Variants in USP10 observed in about 807,000 individuals in gnomAD.
The protein encoded by USP10 is ubiquitin specific peptidase 10.
In USP10, 22 loss-of-function variants were observed where a neutral mutation model predicts 84.5. The observed-to-expected ratio is 0.26, with a 90% CI of 0.19 to 0.37. The LOEUF (loss-of-function observed/expected upper bound fraction) is 0.37. Ranked by LOEUF, USP10 falls within the 10% of genes least tolerant of loss-of-function variation. USP10 has a pLI of 1.00. For synonymous variants in USP10, 454 were observed against 387.6 expected, an observed-to-expected ratio of 1.17 and a Z score of -2.01; for missense variants, 1,019 against 998.9, an observed-to-expected ratio of 1.02 and a Z score of -0.27.
At position 84,761,940 on chromosome 16, in the gene USP10, C is replaced by G. The variant is rs76471633; in HGVS notation, c.1555-1049C>G. On this transcript the variant is annotated intron_variant, in intron 8 of 13. Transcript: ENST00000219473. ...TCTGCACACGTGCAGAGCATGCACT[C>G]ACGTGAACAGCTGCTGTCCACGTCT... Among the ~76,000 whole-genome samples, 1,205 of 152,376 alleles carry G rather than the reference C, an allele frequency of 7.9e-3. 10 individuals carry two copies. The highest frequency in any genetic ancestry group is 0.027 in the African/African-American group (1,125 of 41,588).
At position 84,745,239 on chromosome 16, in the gene USP10, C is replaced by G; in HGVS notation, c.758C>G (p.Ser253Cys). 3 of 1,613,370 alleles carry G rather than the reference C, an allele frequency of 1.9e-6. No individual in the cohort carries two copies. The highest frequency in any genetic ancestry group is 2.2e-5 in the South Asian group (2 of 91,038). Residue 253 changes from serine (S) to cysteine (C), a missense_variant, in exon 4 of 14, where the codon TCC (serine) becomes TGC (cysteine). Physicochemically the swap from Ser to Cys is moderately radical, Grantham distance 112. Around this residue, in one of 2 missense-constraint regions of USP10, gnomAD observed 787 missense variants for 708.8 expected, o/e 1.11. Transcript: ENST00000219473. ...EGGPGADFGQ[S>C]CFPAEAGRDT... is the part of the protein sequence containing the mutation. The stretch of plus-strand genomic sequence containing the variant: ...GGCCCCGGGGCTGATTTTGGTCAGT[C>G]CTGCTTCCCTGCAGAGGCTGGCAGA...
At chr16:84,727,784 C>G (rs1025466557) in intron 1 of USP10, among the ~76,000 whole-genome samples, 3 of 152,216 alleles carry the variant, frequency 2.0e-5, no homozygotes, top group Non-Finnish European at 2.9e-5. Flanking sequence ...ATCCTAAATT[C>G]TTGAATGTGT....
chr16:84,757,402 G>GTGT (rs1555546471), intron 4 of USP10, among the ~76,000 whole-genome samples: 892 of 82,820 alleles, frequency 0.011, 9 homozygotes, highest in South Asian at 0.029. Context: ...GAGGGGTGGG[G>GTGT]GTGTGTGTGT....
chr16:84,707,563 G>C (rs993352485), intron 1 of USP10, among the ~76,000 whole-genome samples: 1 of 152,134 alleles, frequency 6.6e-6, no homozygotes, highest in African/African-American at 2.4e-5. Context: ...AATATGGTCT[G>C]TTGTATCTAG....
intron 1 of USP10, among the ~76,000 whole-genome samples, chr16:84,703,173 G>A (rs1281266046): frequency 6.6e-6 from 1 of 152,102 alleles, no homozygotes; most frequent in African/African-American, 2.4e-5. Flanking sequence ...TTTTAGCAAA[G>A]ACAAATAAAT....
intron 1 of USP10, among the ~76,000 whole-genome samples, chr16:84,720,453 G>A (rs370675131): frequency 1.3e-5 from 2 of 152,052 alleles, no homozygotes; most frequent in African/African-American, 4.8e-5. Flanking sequence ...CGAGAAGCTC[G>A]GCAGTAATAA....
intron 1 of USP10, among the ~76,000 whole-genome samples, chr16:84,713,728 T>TA (rs900610098): frequency 2.0e-5 from 3 of 152,108 alleles, no homozygotes; most frequent in African/African-American, 7.2e-5. Flanking sequence ...GATCCAGAAT[T>TA]AGAGAGACCA....
At position 84,764,279 on chromosome 16, in the gene USP10, G is replaced by A. The variant is rs753206149; in HGVS notation, c.1832+16G>A. On this transcript the variant is annotated intron_variant, in intron 10 of 13. Transcript: ENST00000219473. ...GACACATCAGGTTTGTGCTTTTCTG[G>A]AATAACTTAATATTTGCCTTTTCTA... 2 of 1,613,968 alleles carry A rather than the reference G, an allele frequency of 1.2e-6. No individual in the cohort carries two copies. Among genetic ancestry groups the A allele is most frequent in the Admixed American group, 1.7e-5 (1 of 60,016 alleles).
At chr16:84,707,635 G>T (rs904963932) in intron 1 of USP10, among the ~76,000 whole-genome samples, 3 of 152,148 alleles carry the variant, frequency 2.0e-5, no homozygotes, top group South Asian at 2.1e-4. Flanking sequence ...ACTGAAGTCA[G>T]TTTTCTTAGG....
chr16:84,750,488 T>C lies in USP10; in HGVS notation c.1192+4815T>C, dbSNP rs116910794. On this transcript the variant is annotated intron_variant, in intron 4 of 13. Transcript: ENST00000219473. The stretch of plus-strand genomic sequence containing the variant: ...GCGACACCCTTGTTAAGAGTGAGTA[T>C]GGCAGACACGTGGGGAGTGCCTTTG... Among the ~76,000 whole-genome samples, 1,188 of 152,196 alleles carry C rather than the reference T, an allele frequency of 7.8e-3. 13 individuals are homozygous for C. The highest frequency in any genetic ancestry group is 0.054 in the Middle Eastern group (16 of 294).
intron 13 of USP10, among the ~76,000 whole-genome samples, chr16:84,777,658 C>G (rs558810082): frequency 2.0e-5 from 3 of 152,178 alleles, no homozygotes; most frequent in Admixed American, 2.0e-4. Context: ...TGACTGGTGG[C>G]CTCAGTCATA....
chr16:84,740,256 G>T, intron 2 of USP10, 53 bp from the exon 3 acceptor site: 1 of 1,520,118 alleles, frequency 6.6e-7, no homozygotes, highest in Non-Finnish European at 9.1e-7. Context: ...AATGGTAAGC[G>T]TTGGTTTTAA....
chr16:84,739,385 C>T (rs1597340728), intron 2 of USP10, among the ~76,000 whole-genome samples: 1 of 152,148 alleles, frequency 6.6e-6, no homozygotes, highest in Admixed American at 6.5e-5. Flanking sequence ...GATTCTCCTG[C>T]CTTAGCCTCC....
intron 4 of USP10, among the ~76,000 whole-genome samples, chr16:84,757,171 G>C (rs899639446): frequency 2.0e-5 from 3 of 152,128 alleles, no homozygotes; most frequent in African/African-American, 7.2e-5. Context: ...ATGCAGGCTT[G>C]GGGTTCAGTT....
chr16:84,702,308 C>T (rs1027508453), intron 1 of USP10, among the ~76,000 whole-genome samples: 20 of 151,974 alleles, frequency 1.3e-4, no homozygotes, highest in African/African-American at 4.8e-4. Flanking sequence ...CCACCCGCCT[C>T]GGCCTCTCAA....
At chr16:84,778,762 ATC>A in intron 13 of USP10, 131 bp from the exon 14 acceptor site, 2 of 844,766 alleles carry the variant, frequency 2.4e-6, no homozygotes, top group South Asian at 1.9e-5. Flanking sequence ...GTGTGATGAC[ATC>A]TCTCTGTCCC....
At chr16:84,761,306 A>G (rs1307109079) in intron 8 of USP10, among the ~76,000 whole-genome samples, 2 of 152,182 alleles carry the variant, frequency 1.3e-5, no homozygotes, top group Non-Finnish European at 2.9e-5. Flanking sequence ...CACAGAGATA[A>G]TGCTATGAAC....
rs760762247 is a variant in USP10, at chr16:84,772,657, A to G, written c.2115A>G (p.Glu705=). Residue 705 remains glutamate, a synonymous_variant, in exon 12 of 14, where the codon GAA becomes GAG. Coordinates refer to ENST00000219473, the MANE Select transcript of USP10 (RefSeq NM_005153.3). Reference sequence around the variant, plus strand: ...GCCAGAAGCTTATCAAAAATATTGAATATCCTGTGGACTTGGAAATTAGTA... The same window carrying G: ...GCCAGAAGCTTATCAAAAATATTGAGTATCCTGTGGACTTGGAAATTAGTA... The part of the protein sequence containing the change: ...GGCQKLIKNI[E]YPVDLEISKE... 1 of 1,614,004 alleles carries G rather than the reference A, an allele frequency of 6.2e-7. No individual in the cohort carries two copies. Among genetic ancestry groups the G allele is most frequent in the Non-Finnish European group, 8.5e-7 (1 of 1,179,904 alleles).
intron 4 of USP10, among the ~76,000 whole-genome samples, chr16:84,749,944 C>CGCCAG (rs1219288522): frequency 6.6e-6 from 1 of 152,076 alleles, no homozygotes; most frequent in Non-Finnish European, 1.5e-5. Context: ...GAGAAGGACA[C>CGCCAG]GCCAGGGGAG....
Sources: gnomAD v4.1 joint callset for allele counts (sites outside exome capture counted in the v4.1 genomes callset) on GRCh38, gnomAD v4.1.1 for gene constraint, gnomAD v4.1.1 regional missense constraint, MANE v1.5 for transcripts, NCBI Gene and HGNC (gene_info 2026-07-23, HGNC 2026-07-21) for gene names.